ABCB5: variants seen among roughly 807,000 people sequenced by gnomAD.
ABCB5 encodes ATP-binding cassette sub-family B member 5.
ABCB5 carries 155 observed loss-of-function variants against 144.2 expected under a neutral mutation model. The observed-to-expected ratio is 1.08, with a 90% confidence interval of 0.94 to 1.23. ABCB5 has a LOEUF of 1.23. Among genes scored for constraint, ABCB5 ranks in the 50% most tolerant of loss-of-function variants. The probability of loss-of-function intolerance (pLI) is 0.00; values close to 1 mark genes in which losing one functional copy is unlikely to be tolerated. For missense variants in ABCB5, 1,830 were observed against 1,520.8 expected (o/e 1.20, Z -3.38); for synonymous variants, 610 against 528.6 (o/e 1.15, Z -2.11).
chr7:20,657,223 C>T (rs1189989064), intron 13 of ABCB5, among the ~76,000 whole-genome samples: 2 of 152,070 alleles, frequency 1.3e-5, no homozygotes, highest in Admixed American at 6.6e-5. Flanking sequence ...TGTGATAGAT[C>T]TAGAGTTGCC....
intron 24 of ABCB5, among the ~76,000 whole-genome samples, chr7:20,741,320 A>G (rs556289226): frequency 5.9e-4 from 89 of 152,082 alleles, no homozygotes; most frequent in Non-Finnish European, 1.0e-3. Flanking sequence ...CTATTATACA[A>G]AATACTTACA....
At chr7:20,709,329 A>G (rs944627069) in intron 20 of ABCB5, among the ~76,000 whole-genome samples, 2 of 149,960 alleles carry the variant, frequency 1.3e-5, no homozygotes, top group Non-Finnish European at 3.0e-5. Flanking sequence ...TGCTAAGACA[A>G]GATATTTTGT....
chr7:20,628,579 G>C lies in ABCB5; in HGVS notation c.109-109G>C, dbSNP rs532763431. The C allele has an allele frequency of 2.7e-6, 3 of 1,099,920 alleles. 1 individual carries two copies. Among genetic ancestry groups the C allele is most frequent in the Admixed American group, 2.6e-5 (1 of 38,374 alleles). 68.1% of individuals were successfully genotyped at this position (1,099,920 alleles called of 1,614,324 possible). On this transcript the variant is annotated intron_variant, in intron 3 of 27. Coordinates refer to ENST00000404938, the MANE Select transcript of ABCB5 (RefSeq NM_001163941.2). ...CTTATTTACCATCTTAATGTATAAA[G>C]TCATGTTTACTAGGTGGCAAAGGCT...
Position 20,724,198 on chromosome 7 carries a change from T to TTTTA in ABCB5, c.2625+979_2625+980insTTTA, listed in dbSNP as rs1781958658. Among the ~76,000 whole-genome samples the TTTTA allele has an allele frequency of 1.6e-4, 9 of 56,514 alleles. No homozygotes were observed. In the Admixed American group the frequency reaches 1.6e-3, roughly 10 times the overall value. The allele number at this position is 56,514 out of a possible 152,430, so 37.1% of individuals were successfully genotyped here. ...TTTCCTTTTCTTTCTTTTTTTCTTG[T>TTTTA]CTTATTTATTTATTTATTTATTGGT... On this transcript the variant is annotated intron_variant, in intron 21 of 27. Coordinates refer to ENST00000404938, the MANE Select transcript of ABCB5 (RefSeq NM_001163941.2).
intron 20 of ABCB5, among the ~76,000 whole-genome samples, chr7:20,717,360 C>G (rs1400511650): frequency 2.0e-5 from 3 of 151,720 alleles, no homozygotes; most frequent in Non-Finnish European, 2.9e-5. Context: ...AGGGCCTTGG[C>G]TTGTAGTTGG....
chr7:20,692,838 A>G (rs1338559964), intron 16 of ABCB5, among the ~76,000 whole-genome samples: 1 of 152,156 alleles, frequency 6.6e-6, no homozygotes, highest in Non-Finnish European at 1.5e-5. Context: ...AGCAAACAAC[A>G]TTACTAGGGA....
chr7:20,687,322 G>C (rs1786035088), intron 16 of ABCB5, among the ~76,000 whole-genome samples: 3 of 152,206 alleles, frequency 2.0e-5, no homozygotes, highest in Admixed American at 2.0e-4. Flanking sequence ...GGAATTTCCA[G>C]ATTTCTGGAC....
Position 20,725,501 on chromosome 7 carries a change from G to A in ABCB5, c.2626-1539G>A, listed in dbSNP as rs144925386. Among the ~76,000 whole-genome samples the A allele has an allele frequency of 1.5e-3, 228 of 152,218 alleles. 1 individual carries two copies. The highest frequency in any genetic ancestry group is 5.3e-3 in the African/African-American group (219 of 41,552). ...GGCTAAGGCAGGAGAATCACTTGAA[G>A]CCAGGAGGCAGAGGTTGCAGTGAGC... On this transcript the variant is annotated intron_variant, in intron 21 of 27. Transcript: ENST00000404938.
At chr7:20,650,254 G>T (rs1430619034) in intron 12 of ABCB5, 107 bp downstream of exon 12, 1 of 1,396,848 alleles carries the variant, frequency 7.2e-7, no homozygotes, top group Non-Finnish European at 9.6e-7. Flanking sequence ...AGCTGGGAGA[G>T]AAGCCATATT....
At chr7:20,679,702 A>G (rs1785729102) in intron 14 of ABCB5, among the ~76,000 whole-genome samples, 1 of 152,238 alleles carries the variant, frequency 6.6e-6, no homozygotes, top group African/African-American at 2.4e-5. Flanking sequence ...GTTCAACTTT[A>G]TTAGTCATCG....
Position 20,651,601 on chromosome 7 carries a change from A to G in ABCB5, c.1514A>G (p.Asp505Gly). Residue 505 changes from aspartate (D) to glycine (G), a missense_variant, in exon 13 of 28, where the codon GAT (aspartate) becomes GGT (glycine). By Grantham distance (94) the Asp-to-Gly change is moderately conservative. Transcript: ENST00000404938. ...GCAGCAAGGGAAGCAAATGCGTATG[A>G]TTTTATCATGGAGTTTCCTAATGTG... ...ERAAREANAY[D>G]FIMEFPNKFN... is the part of the protein sequence containing the mutation. 3 of 1,614,054 alleles carry G rather than the reference A, an allele frequency of 1.9e-6. No individual in the cohort carries two copies. Among genetic ancestry groups the G allele is most frequent in the Non-Finnish European group, 2.5e-6 (3 of 1,179,978 alleles).
chr7:20,667,049 C>T (rs1023671494), intron 14 of ABCB5: 3 of 555,402 alleles, frequency 5.4e-6, no homozygotes, highest in African/African-American at 2.0e-5. Flanking sequence ...ATGTATTTTT[C>T]TAGTACACTT....
Position 20,742,561 on chromosome 7 carries a change from T to C in ABCB5, c.3025-316T>C, listed in dbSNP as rs554723573. Among the ~76,000 whole-genome samples, 62 of 152,256 alleles carry C rather than the reference T, an allele frequency of 4.1e-4. No individual in the cohort carries two copies. In the South Asian group the frequency reaches 6.4e-3, roughly 16 times the overall value. On this transcript the variant is annotated intron_variant, in intron 24 of 27. Coordinates refer to ENST00000404938, the MANE Select transcript of ABCB5 (RefSeq NM_001163941.2). The stretch of plus-strand genomic sequence containing the variant: ...AAACCACATTAAAAAGAAAAACGTA[T>C]TACCCAGATAAGCTGGTCAAACAAC...
chr7:20,697,322 T>C (rs548885384), intron 16 of ABCB5, among the ~76,000 whole-genome samples: 1 of 152,318 alleles, frequency 6.6e-6, no homozygotes, highest in East Asian at 1.9e-4. Flanking sequence ...TTATAAACTA[T>C]TTTATAGTCT....
At chr7:20,740,349 A>G (rs1327997337) in intron 24 of ABCB5, among the ~76,000 whole-genome samples, 1 of 152,230 alleles carries the variant, frequency 6.6e-6, no homozygotes, top group African/African-American at 2.4e-5. Context: ...ATAGTCCATT[A>G]GGTATATACT....
At chr7:20,656,336 G>A (rs1441530880) in intron 13 of ABCB5, among the ~76,000 whole-genome samples, 1 of 152,048 alleles carries the variant, frequency 6.6e-6, no homozygotes, top group Non-Finnish European at 1.5e-5. Flanking sequence ...AGGCAAGACA[G>A]AGAGCACAAG....
intron 14 of ABCB5, among the ~76,000 whole-genome samples, chr7:20,664,021 AT>A (rs34583056): frequency 0.13 from 19,814 of 147,166 alleles, 1,288 homozygotes; most frequent in Admixed American, 0.14. Flanking sequence ...CAGTCAGGCA[AT>A]TTTTTTTTTT....
At chr7:20,648,150 C>A in intron 11 of ABCB5, 72 bp downstream of exon 11, 1 of 935,626 alleles carries the variant, frequency 1.1e-6, no homozygotes, top group Non-Finnish European at 1.7e-6. Flanking sequence ...TCTTCTCTGA[C>A]ATGATTACTT....
intron 3 of ABCB5, among the ~76,000 whole-genome samples, chr7:20,627,844 T>C (rs181173813): frequency 7.2e-5 from 11 of 152,238 alleles, no homozygotes; most frequent in African/African-American, 2.6e-4. Context: ...GCGTTGAAAA[T>C]GTGCAGATCA....
Sources: gnomAD v4.1 joint callset for allele counts (sites outside exome capture counted in the v4.1 genomes callset) on GRCh38, gnomAD v4.1.1 for gene constraint, MANE v1.5 for transcripts, NCBI Gene and HGNC (gene_info 2026-07-23, HGNC 2026-07-21) for gene names.